SUCLA2: variants seen among roughly 807,000 people sequenced by gnomAD.
The protein encoded by SUCLA2 is succinate-CoA ligase ADP-forming subunit beta.
A neutral mutation model predicts 54.8 loss-of-function variants in SUCLA2; 30 were observed. The observed-to-expected ratio is 0.55, with a 90% CI of 0.41 to 0.74. The LOEUF is 0.74. Among genes scored for constraint, SUCLA2 ranks in the 30% least tolerant of loss-of-function variants. SUCLA2 has a pLI of 0.00. For missense variants in SUCLA2, 476 were observed against 562.9 expected (o/e 0.85, Z 1.56); for synonymous variants, 172 against 188.9 (o/e 0.91, Z 0.74).
chr13:47,985,181 A>C (rs1415584286), intron 4 of SUCLA2, among the ~76,000 whole-genome samples: 1 of 152,192 alleles, frequency 6.6e-6, no homozygotes, highest in Non-Finnish European at 1.5e-5. Context: ...CAGTAATAGA[A>C]GTAATTGTTT....
chr13:47,943,884 C>T (rs953246844), intron 10 of SUCLA2, among the ~76,000 whole-genome samples: 8 of 151,642 alleles, frequency 5.3e-5, no homozygotes, highest in Admixed American at 5.3e-4. Context: ...AATAAGTATA[C>T]AATCTTAACT....
At chr13:47,987,296 C>G (rs1269750479) in intron 4 of SUCLA2, among the ~76,000 whole-genome samples, 1 of 151,948 alleles carries the variant, frequency 6.6e-6, no homozygotes, top group African/African-American at 2.4e-5. Context: ...TCAATTCATC[C>G]AGGTATTTAT....
At chr13:47,950,615 T>C (rs1949768421) in intron 8 of SUCLA2, among the ~76,000 whole-genome samples, 1 of 152,192 alleles carries the variant, frequency 6.6e-6, no homozygotes, top group South Asian at 2.1e-4. Flanking sequence ...ACAATGATAG[T>C]TCTGAATCAG....
At chr13:47,996,673 A>AATG (rs2137753738) in intron 2 of SUCLA2, among the ~76,000 whole-genome samples, 170 bp downstream of exon 2, 1 of 152,106 alleles carries the variant, frequency 6.6e-6, no homozygotes, top group Non-Finnish European at 1.5e-5. Context: ...TAATAATAAT[A>AATG]ATAATAATTT....
At chr13:47,973,707 T>TA (rs1949986291) in intron 4 of SUCLA2, among the ~76,000 whole-genome samples, 1 of 152,130 alleles carries the variant, frequency 6.6e-6, no homozygotes, top group Non-Finnish European at 1.5e-5. Flanking sequence ...CCATCAATGA[T>TA]ACACTGGATA....
intron 8 of SUCLA2, 129 bp from the exon 9 acceptor site, chr13:47,949,732 T>G: frequency 1.2e-6 from 1 of 865,754 alleles, no homozygotes; most frequent in East Asian, 2.7e-5. Context: ...CAAACCACAA[T>G]ACCCTCTTCT....
At chr13:47,971,569 A>C in intron 5 of SUCLA2, 1 of 273,936 alleles carries the variant, frequency 3.7e-6, no homozygotes, top group Non-Finnish European at 6.7e-6. Flanking sequence ...GGGGGGAAGA[A>C]TGGAGGGGAA....
intron 5 of SUCLA2, among the ~76,000 whole-genome samples, chr13:47,972,958 G>A (rs1949980640): frequency 6.6e-6 from 1 of 151,582 alleles, no homozygotes; most frequent in African/African-American, 2.4e-5. Context: ...CACCATATTG[G>A]CCAGGCTGGT....
At chr13:47,980,675 C>T (rs1274584865) in intron 4 of SUCLA2, among the ~76,000 whole-genome samples, 2 of 151,772 alleles carry the variant, frequency 1.3e-5, no homozygotes, top group African/African-American at 4.8e-5. Context: ...AGAGGCCTCA[C>T]ACTTCTTTTA....
chr13:47,944,564 T>C (rs1022399878), intron 10 of SUCLA2, among the ~76,000 whole-genome samples: 1 of 152,174 alleles, frequency 6.6e-6, no homozygotes, highest in African/African-American at 2.4e-5. Flanking sequence ...CCTTTTCTCA[T>C]ATCTAAGTAT....
At chr13:47,992,388 C>CAA (rs35103136) in intron 2 of SUCLA2, among the ~76,000 whole-genome samples, 40 of 93,054 alleles carry the variant, frequency 4.3e-4, no homozygotes, top group East Asian at 2.2e-3. Context: ...ACAACGAAAG[C>CAA]AAAAAAAAAA....
rs767604571 is a variant in SUCLA2, at chr13:48,001,219, C to A, written c.51G>T (p.Arg17=). ...GCTGGGCCGTCCGAGGCCGGTGGTT[C>A]CGAAGGGTGGCCACGGCCACTAGCC... ...YGRLVAVATL[R]NHRPRTAQRA... Residue 17 remains arginine (R), a synonymous_variant, in exon 1 of 11, where the codon CGG becomes CGT. Coordinates refer to ENST00000646932, the MANE Select transcript of SUCLA2 (RefSeq NM_003850.3). The A allele has an allele frequency of 6.2e-7, 1 of 1,609,022 alleles. No homozygotes were observed. The highest frequency in any genetic ancestry group is 8.5e-7 in the Non-Finnish European group (1 of 1,178,582).
At chr13:47,944,490 TTTAAG>T (rs199932352) in intron 10 of SUCLA2, among the ~76,000 whole-genome samples, 6,448 of 152,190 alleles carry the variant, frequency 0.042, 274 homozygotes, top group African/African-American at 0.1. Context: ...CTTTTCTTAA[TTTAAG>T]TTTTCATTCC....
intron 5 of SUCLA2, among the ~76,000 whole-genome samples, chr13:47,969,599 T>C (rs1741342831): frequency 6.6e-6 from 1 of 152,214 alleles, no homozygotes. Context: ...TCTGAACCAC[T>C]GGTACAGAGG....
chr13:47,997,107 A>G, intron 1 of SUCLA2, 84 bp from the exon 2 acceptor site: 1 of 1,405,794 alleles, frequency 7.1e-7, no homozygotes, highest in Non-Finnish European at 1.0e-6. Context: ...TAACTATAAC[A>G]AAACTGTTAC....
chr13:47,991,255 C>A (rs1183694565), intron 2 of SUCLA2, among the ~76,000 whole-genome samples: 1 of 152,144 alleles, frequency 6.6e-6, no homozygotes, highest in Non-Finnish European at 1.5e-5. Context: ...CCTTATAATA[C>A]CCTCTACACT....
At chr13:47,982,853 ACCT>A in intron 4 of SUCLA2, among the ~76,000 whole-genome samples, 1 of 152,178 alleles carries the variant, frequency 6.6e-6, no homozygotes, top group South Asian at 2.1e-4. Flanking sequence ...ACCCTCCCAG[ACCT>A]TGTTGGCTGG....
Position 47,943,004 on chromosome 13 carries a change from C to A in SUCLA2, c.*367G>T. 8.3e-6 allele frequency: 2 copies of A among 242,044 alleles called. No homozygotes were observed. The highest frequency in any genetic ancestry group is 5.4e-5 in the South Asian group (1 of 18,576). The allele number at this position is 242,044 out of a possible 1,614,324, so 15.0% of individuals were successfully genotyped here. A position where few individuals can be genotyped will look rare whatever the true frequency, so the allele number is the denominator to read the frequency against. Reference sequence around the variant, plus strand: ...CTAATGAGGCTAGTTATTAGATATACTGTATTTTAACACTAAAGAATAAAG... The same window carrying A: ...CTAATGAGGCTAGTTATTAGATATAATGTATTTTAACACTAAAGAATAAAG... On this transcript the variant is annotated 3_prime_UTR_variant, in exon 11 of 11. Coordinates refer to ENST00000646932, the MANE Select transcript of SUCLA2 (RefSeq NM_003850.3).
chr13:47,984,538 T>C (rs1418310867), intron 4 of SUCLA2, among the ~76,000 whole-genome samples: 1 of 152,140 alleles, frequency 6.6e-6, no homozygotes, highest in African/African-American at 2.4e-5. Flanking sequence ...TCTTCTTCTC[T>C]TGTTGGTATT....
Sources: allele counts gnomAD v4.1 joint callset (sites outside exome capture counted in the v4.1 genomes callset), GRCh38; gene constraint gnomAD v4.1.1; transcripts MANE v1.5; gene names NCBI Gene and HGNC (gene_info 2026-07-23, HGNC 2026-07-21).